NEDD9: variants seen among roughly 807,000 people sequenced by gnomAD.
NEDD9 encodes enhancer of filamentation 1.
NEDD9 carries 26 observed loss-of-function variants against 76.6 expected under a neutral mutation model. That is an observed-to-expected ratio of 0.34 (90% CI 0.25 to 0.47). NEDD9 has a LOEUF of 0.47. Ranked by LOEUF, NEDD9 falls within the 20% of genes least tolerant of loss-of-function variation. NEDD9 has a pLI of 1.00. For synonymous variants in NEDD9, 392 were observed against 414.2 expected, an observed-to-expected ratio of 0.95 and a Z score of 0.65; for missense variants, 937 against 1,058.5, an observed-to-expected ratio of 0.89 and a Z score of 1.59.
chr6:11,187,998 T>TA (rs112471803), intron 6 of NEDD9, among the ~76,000 whole-genome samples: 207 of 152,320 alleles, frequency 1.4e-3, no homozygotes, highest in African/African-American at 4.8e-3. Context: ...GTTTAGCCTT[T>TA]AAAAAAATTG....
intron 3 of NEDD9, among the ~76,000 whole-genome samples, chr6:11,193,308 C>CT (rs1758207487): frequency 6.9e-6 from 1 of 144,164 alleles, no homozygotes; most frequent in African/African-American, 2.6e-5. Flanking sequence ...GAGATTCTGT[C>CT]TTAAAAAAAA....
intron 3 of NEDD9, among the ~76,000 whole-genome samples, chr6:11,243,456 G>A (rs1759747157): frequency 6.6e-6 from 1 of 152,210 alleles, no homozygotes; most frequent in African/African-American, 2.4e-5. Flanking sequence ...TGGTGGGCCT[G>A]TCCAGTGTGT....
At chr6:11,278,421 C>CTTA (rs1259998361) in intron 3 of NEDD9, among the ~76,000 whole-genome samples, 2 of 152,170 alleles carry the variant, frequency 1.3e-5, no homozygotes, top group African/African-American at 4.8e-5. Flanking sequence ...CTCGAGGCCA[C>CTTA]AGAGTTGAGG....
chr6:11,376,826 A>G (rs918909587), intron 1 of NEDD9, among the ~76,000 whole-genome samples: 1 of 152,244 alleles, frequency 6.6e-6, no homozygotes. Context: ...AGGCATTTCA[A>G]AAATCTTGAG....
chr6:11,372,487 A>G (rs1245377138), intron 1 of NEDD9, among the ~76,000 whole-genome samples: 3 of 152,216 alleles, frequency 2.0e-5, no homozygotes, highest in African/African-American at 7.2e-5. Context: ...TCTTTAATAT[A>G]TTGATTTCCT....
intron 1 of NEDD9, among the ~76,000 whole-genome samples, chr6:11,217,934 T>C (rs1759004394): frequency 6.6e-6 from 1 of 152,230 alleles, no homozygotes; most frequent in Non-Finnish European, 1.5e-5. Context: ...TCGTTCTCTG[T>C]CTTCTCTTGA....
chr6:11,308,462 C>T (rs1278819420), intron 2 of NEDD9, among the ~76,000 whole-genome samples: 1 of 150,326 alleles, frequency 6.7e-6, no homozygotes, highest in Non-Finnish European at 1.5e-5. Flanking sequence ...CTCCGCCTCC[C>T]AGGTTCACGC....
At chr6:11,265,552 A>C (rs913891576) in intron 3 of NEDD9, among the ~76,000 whole-genome samples, 1 of 152,242 alleles carries the variant, frequency 6.6e-6, no homozygotes, top group Admixed American at 6.5e-5. Context: ...ATGACTAGTA[A>C]TATTGGCAGA....
chr6:11,237,113 C>T (rs997750678), upstream of NEDD9, among the ~76,000 whole-genome samples: 13 of 152,176 alleles, frequency 8.5e-5, no homozygotes, highest in South Asian at 1.7e-3. This position sits in a 1 kb window ranked among gnomAD's most constrained non-coding sequence, Gnocchi z 4.9. Context: ...CCCACCCTGC[C>T]CACCTCGCCC....
At chr6:11,221,995 T>C (rs1245316735) in intron 1 of NEDD9, among the ~76,000 whole-genome samples, 1 of 152,142 alleles carries the variant, frequency 6.6e-6, no homozygotes, top group Non-Finnish European at 1.5e-5. Context: ...AAATAAGAAT[T>C]AAGTTTTAAT....
intron 1 of NEDD9, among the ~76,000 whole-genome samples, chr6:11,346,761 C>A (rs1582041619): frequency 6.6e-6 from 1 of 152,130 alleles, no homozygotes; most frequent in African/African-American, 2.4e-5. Flanking sequence ...CTGCTTAGGG[C>A]AGCAACCCTG....
intron 1 of NEDD9, among the ~76,000 whole-genome samples, chr6:11,357,348 G>A (rs1366117485): frequency 6.6e-6 from 1 of 152,136 alleles, no homozygotes; most frequent in Non-Finnish European, 1.5e-5. Context: ...TGCCACAGCG[G>A]CAGGCAGCTT....
At chr6:11,352,571 A>G (rs1762489355) in intron 1 of NEDD9, 1 of 152,234 alleles carries the variant, frequency 6.6e-6, no homozygotes. Context: ...GCATCATGGT[A>G]AGGAATGGTC....
intron 2 of NEDD9, among the ~76,000 whole-genome samples, chr6:11,329,859 A>G (rs1001563852): frequency 2.3e-4 from 35 of 152,352 alleles, no homozygotes; most frequent in African/African-American, 7.0e-4. Flanking sequence ...CCAACAAAGA[A>G]GAATCCAGTC....
intron 3 of NEDD9, among the ~76,000 whole-genome samples, chr6:11,278,469 T>C (rs1760464271): frequency 6.6e-6 from 1 of 152,148 alleles, no homozygotes; most frequent in Non-Finnish European, 1.5e-5. Context: ...CCCCAAACAC[T>C]TAACCACTGG....
intron 3 of NEDD9, among the ~76,000 whole-genome samples, chr6:11,301,633 C>G (rs1454652745): frequency 1.3e-5 from 2 of 152,246 alleles, no homozygotes; most frequent in East Asian, 3.9e-4. Flanking sequence ...CACTCCTCAG[C>G]AAATGTAAAA....
intron 3 of NEDD9, among the ~76,000 whole-genome samples, chr6:11,304,414 T>G (rs1252779807): frequency 1.3e-5 from 2 of 152,228 alleles, no homozygotes; most frequent in Non-Finnish European, 2.9e-5. Flanking sequence ...CTCAAGGATC[T>G]AGAACTAGAA....
chr6:11,296,669 CCTTTCCTTTCCCTT>C (rs754373218), intron 3 of NEDD9, among the ~76,000 whole-genome samples: 137 of 124,432 alleles, frequency 1.1e-3, no homozygotes, highest in Non-Finnish European at 1.8e-3. Context: ...CCTTTCCTTT[CCTTTCCTTTCCCTT>C]CCTTCCTTCC....
intron 3 of NEDD9, among the ~76,000 whole-genome samples, chr6:11,269,088 TACAA>T (rs1760254427): frequency 6.6e-6 from 1 of 152,250 alleles, no homozygotes; most frequent in African/African-American, 2.4e-5. Flanking sequence ...AGCCATTCAC[TACAA>T]ACAAAGTACC....
Sources: gnomAD v4.1 joint callset for allele counts (sites outside exome capture counted in the v4.1 genomes callset) on GRCh38, gnomAD v4.1.1 for gene constraint, Gnocchi (gnomAD v3.1) non-coding constraint, MANE v1.5 for transcripts, NCBI Gene and HGNC (gene_info 2026-07-23, HGNC 2026-07-21) for gene names.